THSD4: variants seen among roughly 807,000 people sequenced by gnomAD.
THSD4 encodes the protein thrombospondin type 1 domain containing 4.
Under a neutral mutation model 119.0 loss-of-function variants are expected in THSD4, and 69 were observed. The ratio of observed to expected loss-of-function variants is 0.58; its 90% CI spans 0.48 to 0.71. The LOEUF (loss-of-function observed/expected upper bound fraction) is 0.71, where lower values mean the gene tolerates loss of function less well. THSD4 is among the 30% of genes least tolerant of loss of function. The pLI is 0.00. For missense variants in THSD4, 1,393 were observed against 1,391.1 expected (o/e 1.00, Z -0.02); for synonymous variants, 524 against 540.4 (o/e 0.97, Z 0.42).
At chr15:71,350,647 G>C (rs2045732123) in intron 6 of THSD4, among the ~76,000 whole-genome samples, 1 of 152,100 alleles carries the variant, frequency 6.6e-6, no homozygotes, top group South Asian at 2.1e-4. Context: ...TAATTTGAAA[G>C]AAATTCAGCT....
intron 6 of THSD4, among the ~76,000 whole-genome samples, chr15:71,271,411 A>G (rs887892032): frequency 2.0e-5 from 3 of 152,224 alleles, no homozygotes; most frequent in African/African-American, 4.8e-5. Context: ...ATGGTATTCT[A>G]TAATAGGAAA....
chr15:71,292,801 C>T (rs561332090), intron 6 of THSD4, among the ~76,000 whole-genome samples: 70 of 152,000 alleles, frequency 4.6e-4, no homozygotes, highest in African/African-American at 1.5e-3. Flanking sequence ...CTCAGCCTCC[C>T]GAGTAGCTGG....
At chr15:71,376,672 C>A (rs1462038698) in intron 6 of THSD4, among the ~76,000 whole-genome samples, 1 of 152,202 alleles carries the variant, frequency 6.6e-6, no homozygotes, top group East Asian at 1.9e-4. Flanking sequence ...TCTGCTGTCT[C>A]CTCAACCTGT....
chr15:71,305,702 G>A (rs2045014461), intron 6 of THSD4, among the ~76,000 whole-genome samples: 1 of 152,182 alleles, frequency 6.6e-6, no homozygotes, highest in Admixed American at 6.5e-5. Flanking sequence ...AGGTTATTCC[G>A]GATGGGGACT....
chr15:71,432,741 G>C (rs1175720629), intron 7 of THSD4, among the ~76,000 whole-genome samples: 1 of 151,644 alleles, frequency 6.6e-6, no homozygotes, highest in Non-Finnish European at 1.5e-5. Context: ...ACCTCTTAAA[G>C]TTTTATTTTA....
At chr15:71,587,787 T>TAAAAAAAAAAAAAAAAAAAAAAAA (rs1207231444) in intron 7 of THSD4, among the ~76,000 whole-genome samples, 3 of 105,552 alleles carry the variant, frequency 2.8e-5, no homozygotes, top group African/African-American at 1.1e-4. Flanking sequence ...AAAAAAAAAT[T>TAAAAAAAAAAAAAAAAAAAAAAAA]AAAAAAAAAA....
chr15:71,563,297 A>T (rs946532434), intron 7 of THSD4, among the ~76,000 whole-genome samples: 1 of 152,170 alleles, frequency 6.6e-6, no homozygotes, highest in African/African-American at 2.4e-5. Flanking sequence ...CCCACTAGCA[A>T]AACCACTCTG....
chr15:71,679,177 T>C lies in THSD4; in HGVS notation c.1357+18443T>C, dbSNP rs1006117512. The stretch of plus-strand genomic sequence containing the variant: ...CATTTACTGTCCATTTGGAAATCCT[T>C]TGATGACTTTGAAAAGAGACCCAGT... On this transcript the variant is annotated intron_variant, in intron 8 of 17. Coordinates refer to ENST00000261862, the MANE Select transcript of THSD4 (RefSeq NM_024817.3). Among the ~76,000 whole-genome samples the C allele has an allele frequency of 5.9e-5, 9 of 152,198 alleles. No homozygotes were observed. The East Asian group carries it at 1.3e-3, about 23-fold the overall frequency.
chr15:71,724,285 A>T lies in THSD4; in HGVS notation c.1358-4264A>T, dbSNP rs78123018. ...TGATGGGATATATATATATATATAT[A>T]TATTTTTTTTTTCCCCCCAAGATGG... On this transcript the variant is annotated intron_variant, in intron 8 of 17. Transcript: ENST00000261862. Among the ~76,000 whole-genome samples, 146 of 20,330 alleles carry T rather than the reference A, an allele frequency of 7.2e-3. 9 individuals are homozygous for T. Among genetic ancestry groups the T allele is most frequent in the East Asian group, 0.049 (18 of 364 alleles). The allele number at this position is 20,330 out of a possible 152,430, so 13.3% of individuals were successfully genotyped here.
rs1321157075 is a variant in THSD4 at position 71,378,271 on chromosome 15, T to C, written c.1016-33416T>C. On this transcript the variant is annotated intron_variant, in intron 6 of 17. Transcript: ENST00000261862. ...CATACAGTTTTCTATCGGGTCAAAA[T>C]AAAGATGCTGAGAAAGGGATGCCTT... Among the ~76,000 whole-genome samples, 4 of 152,208 alleles carry C rather than the reference T, an allele frequency of 2.6e-5. 1 individual carries two copies. The highest frequency in any genetic ancestry group is 2.0e-4 in the Admixed American group (3 of 15,280).
intron 6 of THSD4, among the ~76,000 whole-genome samples, chr15:71,275,048 C>T (rs1418221054): frequency 1.3e-5 from 2 of 152,128 alleles, no homozygotes; most frequent in Non-Finnish European, 2.9e-5. Context: ...GCTCAGTTGT[C>T]ATCGTGTGGC....
In THSD4 at chr15:71,777,457, C is replaced by G. The variant is rs1298239234; in HGVS notation, c.*83C>G. ...TGCGCCTGGCTGGCTGCTGCTCCAC[C>G]ACGGGCCCCCTGGCCCAGGCGCTGC... On this transcript the variant is annotated 3_prime_UTR_variant, in exon 18 of 18. Transcript: ENST00000261862. The G allele has an allele frequency of 6.6e-7, 1 of 1,518,658 alleles. No homozygotes were observed. Among genetic ancestry groups the G allele is most frequent in the South Asian group, 1.2e-5 (1 of 81,722 alleles). 94.1% of individuals were successfully genotyped at this position (1,518,658 alleles called of 1,614,324 possible).
intron 14 of THSD4, among the ~76,000 whole-genome samples, chr15:71,750,443 A>T (rs1290692856): frequency 1.3e-5 from 2 of 152,194 alleles, no homozygotes; most frequent in Non-Finnish European, 2.9e-5. Flanking sequence ...CTCTATCACC[A>T]TAACAATCCA....
In THSD4 at chr15:71,464,479, C is replaced by T. The variant is rs181165846; in HGVS notation, c.1152+52656C>T. 2.0e-5 allele frequency among the ~76,000 whole-genome samples: 3 copies of T among 152,306 alleles called. No homozygotes were observed. The East Asian group carries it at 5.8e-4, about 29-fold the overall frequency. ...ATGCCAGTGAAAAGATGCTCACCAT[C>T]AAGGGTCACAGTTCAAGGTAGCCGT... On this transcript the variant is annotated intron_variant, in intron 7 of 17. Transcript: ENST00000261862.
chr15:71,451,041 G>A (rs1263287553), intron 7 of THSD4, among the ~76,000 whole-genome samples: 1 of 152,148 alleles, frequency 6.6e-6, no homozygotes, highest in African/African-American at 2.4e-5. Context: ...GGCCAGACAT[G>A]GTGGCACACA....
At chr15:71,463,352 G>A (rs139201555) in intron 7 of THSD4, among the ~76,000 whole-genome samples, 51 of 152,306 alleles carry the variant, frequency 3.3e-4, no homozygotes, top group Non-Finnish European at 6.2e-4. Flanking sequence ...CCATTTGGCA[G>A]ACCCAGGTCA....
intron 3 of THSD4, among the ~76,000 whole-genome samples, chr15:71,171,609 T>G (rs2043364595): frequency 6.6e-6 from 1 of 152,212 alleles, no homozygotes; most frequent in South Asian, 2.1e-4. Context: ...CATAGGTAAC[T>G]ATATTTTAAA....
At chr15:71,340,731 G>A (rs2045555625) in intron 6 of THSD4, among the ~76,000 whole-genome samples, 1 of 150,982 alleles carries the variant, frequency 6.6e-6, no homozygotes, top group South Asian at 2.1e-4. Context: ...TCAACCTCCT[G>A]AGTAGCTGAG....
intron 8 of THSD4, among the ~76,000 whole-genome samples, chr15:71,691,975 G>A (rs1249525743): frequency 6.6e-6 from 1 of 152,168 alleles, no homozygotes; most frequent in Non-Finnish European, 1.5e-5. Context: ...CAGTGTGGTT[G>A]GGCTGGAATG....
Sources: gnomAD v4.1 joint callset for allele counts (sites outside exome capture counted in the v4.1 genomes callset) on GRCh38, gnomAD v4.1.1 for gene constraint, MANE v1.5 for transcripts, NCBI Gene and HGNC (gene_info 2026-07-23, HGNC 2026-07-21) for gene names.